ARB2A: variants seen among roughly 807,000 people sequenced by gnomAD.
ARB2A encodes cotranscriptional regulator ARB2A.
chr5:94,086,793 T>A, the ARB2A span, among the ~76,000 whole-genome samples: 8 of 152,164 alleles, frequency 5.3e-5, no homozygotes, highest in Non-Finnish European at 8.8e-5. Context: ...CCTCTGGTGA[T>A]CCACAAGCCT....
At chr5:93,720,193 T>C in the ARB2A span, among the ~76,000 whole-genome samples, 2 of 152,242 alleles carry the variant, frequency 1.3e-5, no homozygotes, top group Non-Finnish European at 2.9e-5. Context: ...AGACGCTTTA[T>C]TCTAATCTAT....
At chr5:93,931,357 G>A in the ARB2A span, among the ~76,000 whole-genome samples, 9 of 152,176 alleles carry the variant, frequency 5.9e-5, no homozygotes, top group Non-Finnish European at 2.9e-5. Flanking sequence ...CCAGCTACTC[G>A]GGAGGCTAAG....
chr5:93,624,996 A>C, the ARB2A span, among the ~76,000 whole-genome samples: 1 of 152,156 alleles, frequency 6.6e-6, no homozygotes, highest in Non-Finnish European at 1.5e-5. Flanking sequence ...TCTTACCAAG[A>C]GTGGTTTACC....
the ARB2A span, chr5:93,741,698 G>T: frequency 9.3e-7 from 1 of 1,070,748 alleles, no homozygotes; most frequent in Non-Finnish European, 1.3e-6. Context: ...CTGTGCGTAG[G>T]CGGGGAAATC....
At chr5:93,870,024 G>A in the ARB2A span, among the ~76,000 whole-genome samples, 1 of 152,230 alleles carries the variant, frequency 6.6e-6, no homozygotes, top group Non-Finnish European at 1.5e-5. Flanking sequence ...AGACATCTGG[G>A]CTCTTTCAGC....
the ARB2A span, among the ~76,000 whole-genome samples, chr5:94,094,220 G>A: frequency 2.0e-5 from 3 of 152,174 alleles, no homozygotes; most frequent in Admixed American, 2.0e-4. Flanking sequence ...AGCTCTTGAG[G>A]CTAGAAGTCC....
chr5:93,997,338 T>A, the ARB2A span, among the ~76,000 whole-genome samples: 1,646 of 152,140 alleles, frequency 0.011, 29 homozygotes, highest in African/African-American at 0.038. Flanking sequence ...AACGTTAGCA[T>A]AGCACTAAGA....
chr5:93,805,437 G>A, the ARB2A span: 6 of 984,848 alleles, frequency 6.1e-6, no homozygotes, highest in African/African-American at 1.8e-5. Context: ...GTGTAAGCAC[G>A]GTGAACATAC....
the ARB2A span, among the ~76,000 whole-genome samples, chr5:93,800,419 A>ACACG: frequency 1.3e-5 from 2 of 150,200 alleles, no homozygotes; most frequent in South Asian, 2.1e-4. Context: ...ACACACACAC[A>ACACG]CACACGCACA....
chr5:93,970,293 G>A, the ARB2A span, among the ~76,000 whole-genome samples: 7 of 151,954 alleles, frequency 4.6e-5, no homozygotes, highest in African/African-American at 9.7e-5. Context: ...GACTTTAAAC[G>A]TAAAGGTGGA....
the ARB2A span, among the ~76,000 whole-genome samples, chr5:93,712,172 ACT>A: frequency 6.6e-6 from 1 of 152,136 alleles, no homozygotes; most frequent in African/African-American, 2.4e-5. Context: ...TTGAACAAAA[ACT>A]CTGACCATTA....
the ARB2A span, among the ~76,000 whole-genome samples, chr5:93,712,071 A>G: frequency 6.6e-6 from 1 of 152,216 alleles, no homozygotes; most frequent in Non-Finnish European, 1.5e-5. Flanking sequence ...AGCCTGGTAG[A>G]GAAGGAAAGC....
At chr5:93,736,764 G>C in the ARB2A span, 1 of 152,062 alleles carries the variant, frequency 6.6e-6, no homozygotes, top group East Asian at 1.9e-4. Context: ...CCATACCCTC[G>C]CATATAAAAC....
chr5:93,623,255 C>CAAAA, the ARB2A span, among the ~76,000 whole-genome samples: 1 of 123,528 alleles, frequency 8.1e-6, no homozygotes, highest in Non-Finnish European at 1.8e-5. Flanking sequence ...TACAATAAGC[C>CAAAA]AAAAAAAAAA....
the ARB2A span, among the ~76,000 whole-genome samples, chr5:93,720,933 A>G: frequency 6.6e-6 from 1 of 152,106 alleles, no homozygotes; most frequent in African/African-American, 2.4e-5. Context: ...ACCCACCTTC[A>G]TGTGTATATT....
the ARB2A span, among the ~76,000 whole-genome samples, chr5:93,912,293 A>G: frequency 2.0e-5 from 3 of 151,758 alleles, no homozygotes; most frequent in African/African-American, 7.2e-5. Flanking sequence ...TGTTCAGAAT[A>G]AGGTTCCAAC....
chr5:94,016,530 T>A, the ARB2A span, among the ~76,000 whole-genome samples: 1 of 152,212 alleles, frequency 6.6e-6, no homozygotes, highest in East Asian at 1.9e-4. Flanking sequence ...TTTTGTCTTG[T>A]CCCTCCTTTG....
At chr5:93,772,477 T>TA in the ARB2A span, among the ~76,000 whole-genome samples, 7 of 151,154 alleles carry the variant, frequency 4.6e-5, no homozygotes, top group Non-Finnish European at 7.4e-5. Flanking sequence ...TAAAAAAATT[T>TA]AAAAAAAAAG....
chr5:93,849,275 G>C, the ARB2A span, among the ~76,000 whole-genome samples: 7 of 151,962 alleles, frequency 4.6e-5, no homozygotes, highest in Non-Finnish European at 1.0e-4. Flanking sequence ...TGAAACAAAG[G>C]ACTGTGTAAC....
Sources: gnomAD v4.1 joint callset for allele counts (sites outside exome capture counted in the v4.1 genomes callset) on GRCh38, gnomAD v4.1.1 for gene constraint, MANE v1.5 for transcripts, NCBI Gene and HGNC (gene_info 2026-07-23, HGNC 2026-07-21) for gene names.